C10orf88: variants seen among roughly 807,000 people sequenced by gnomAD.
The protein encoded by C10orf88 is chromosome 10 open reading frame 88.
A neutral mutation model predicts 34.2 loss-of-function variants in C10orf88; 29 were observed. That is an observed-to-expected ratio of 0.85 (90% CI 0.63 to 1.16). The LOEUF is 1.16. C10orf88 is among the 50% of genes most tolerant of loss of function. C10orf88 has a pLI of 0.00. For missense variants in C10orf88, 507 were observed against 533.2 expected, an observed-to-expected ratio of 0.95 and a Z score of 0.48; for synonymous variants, 194 against 197.4, an observed-to-expected ratio of 0.98 and a Z score of 0.15.
intron 4 of C10orf88, 31 bp from the exon 5 acceptor site, chr10:122,938,190 TTAA>T: frequency 6.7e-7 from 1 of 1,496,536 alleles, no homozygotes; most frequent in East Asian, 2.3e-5. Flanking sequence ...AATGTTAATA[TTAA>T]TAACACTGAC....
intron 5 of C10orf88, 121 bp from the exon 6 acceptor site, chr10:122,932,782 T>TA: frequency 1.5e-6 from 1 of 689,476 alleles, no homozygotes; most frequent in South Asian, 1.9e-5. Flanking sequence ...TCTGTCTTCT[T>TA]ACAATGCATT....
At chr10:122,944,654 GCA>G (rs1848621307) in intron 4 of C10orf88, among the ~76,000 whole-genome samples, 1 of 152,066 alleles carries the variant, frequency 6.6e-6, no homozygotes, top group South Asian at 2.1e-4. Context: ...CCAGGAATCT[GCA>G]TTTTGAAGAC....
chr10:122,933,069 TAGA>T (rs961380431), intron 5 of C10orf88, among the ~76,000 whole-genome samples: 2 of 152,180 alleles, frequency 1.3e-5, no homozygotes, highest in Non-Finnish European at 2.9e-5. Flanking sequence ...ACTAAACTAC[TAGA>T]AGGTTCTTTT....
Position 122,932,523 on chromosome 10 carries a change from C to T in C10orf88, c.1242G>A (p.Leu414=), listed in dbSNP as rs148055737. The part of the protein sequence containing the change: ...LQEHIDDKIA[L]LLDLLQNPNS... ...TAGGATTTTGCAGCAAATCCAGTAACAAAGCAATCTTATCATCAATGTGCT... is the reference window on the plus strand; with the variant it reads ...TAGGATTTTGCAGCAAATCCAGTAATAAAGCAATCTTATCATCAATGTGCT... The change falls in exon 6 of 6, where the codon TTG becomes TTA. Residue 414 remains leucine, a synonymous_variant. Transcript: ENST00000481909. 1.8e-4 allele frequency: 292 copies of T among 1,613,982 alleles called. No individual in the cohort carries two copies. Among genetic ancestry groups the T allele is most frequent in the Admixed American group, 2.7e-4 (16 of 59,998 alleles).
intron 4 of C10orf88, among the ~76,000 whole-genome samples, chr10:122,943,073 C>T (rs1414772857): frequency 1.3e-5 from 2 of 151,694 alleles, no homozygotes; most frequent in Non-Finnish European, 2.9e-5. Flanking sequence ...CAAGTCAATC[C>T]TAAGCCAAAA....
At chr10:122,948,883 G>T (rs12243832) in intron 3 of C10orf88, 28 bp from the exon 4 acceptor site, 136,195 of 1,575,568 alleles carry the variant, frequency 0.086, 6,552 homozygotes, top group Non-Finnish European at 0.096. Context: ...TTCCAGAAAA[G>T]AATGATATTA....
intron 3 of C10orf88, among the ~76,000 whole-genome samples, chr10:122,949,589 G>T (rs1848671486): frequency 6.6e-6 from 1 of 152,200 alleles, no homozygotes; most frequent in African/African-American, 2.4e-5. Flanking sequence ...CAGGATGGCA[G>T]GAGATTCGAT....
intron 3 of C10orf88, 150 bp downstream of exon 3, chr10:122,951,804 T>C: frequency 3.7e-6 from 2 of 539,420 alleles, no homozygotes; most frequent in Non-Finnish European, 6.7e-6. Flanking sequence ...CACTCCAGCC[T>C]GGGCAACAGA....
At position 122,945,412 on chromosome 10, in the gene C10orf88, A is replaced by T. The variant is rs74683960; in HGVS notation, c.648+3237T>A. Among the ~76,000 whole-genome samples, 43 of 152,294 alleles carry T rather than the reference A, an allele frequency of 2.8e-4. 2 individuals are homozygous for T. In the East Asian group the frequency reaches 8.3e-3, roughly 29 times the overall value. The stretch of plus-strand genomic sequence containing the variant: ...GTCTTAAAGTATATTCCTTCTGCTT[A>T]TATGTTTTAAAAGTTAACTGTAAAA... On this transcript the variant is annotated intron_variant, in intron 4 of 5. Transcript: ENST00000481909.
At chr10:122,939,320 G>A (rs56771560) in intron 4 of C10orf88, among the ~76,000 whole-genome samples, 1,758 of 150,244 alleles carry the variant, frequency 0.012, 32 homozygotes, top group African/African-American at 0.04. Context: ...AGAAAGTAAG[G>A]GAAAGAGAAA....
intron 4 of C10orf88, among the ~76,000 whole-genome samples, chr10:122,945,027 CGTGTATATAT>C (rs1261389807): frequency 2.7e-5 from 4 of 147,786 alleles, no homozygotes; most frequent in Admixed American, 6.8e-5. Flanking sequence ...TAGATATATG[CGTGTATATAT>C]GTGTATATAT....
chr10:122,934,447 G>A (rs1848515255), intron 5 of C10orf88, among the ~76,000 whole-genome samples: 1 of 152,050 alleles, frequency 6.6e-6, no homozygotes, highest in Non-Finnish European at 1.5e-5. Context: ...TACAGTATGT[G>A]ACCTTTTGAG....
At chr10:122,945,440 A>G (rs1428011125) in intron 4 of C10orf88, among the ~76,000 whole-genome samples, 1 of 152,156 alleles carries the variant, frequency 6.6e-6, no homozygotes, top group African/African-American at 2.4e-5. Context: ...CTGTAAAACC[A>G]CCTCAGGCAG....
At chr10:122,943,667 C>G (rs1281198122) in intron 4 of C10orf88, among the ~76,000 whole-genome samples, 1 of 152,044 alleles carries the variant, frequency 6.6e-6, no homozygotes, top group African/African-American at 2.4e-5. Context: ...TGAACTCAAA[C>G]AAATTTACAA....
Position 122,932,593 on chromosome 10 carries a change from T to C in C10orf88, c.1172A>G (p.Lys391Arg). 6.2e-7 allele frequency: 1 copy of C among 1,613,858 alleles called. No individual in the cohort carries two copies. Among genetic ancestry groups the C allele is most frequent in the Non-Finnish European group, 8.5e-7 (1 of 1,179,916 alleles). ...ILSKNMELME[K>R]KLMDYIDQRI... The stretch of plus-strand genomic sequence containing the variant: ...CTGATCAATGTAATCCATAAGTTTC[T>C]TTTCCATCAGTTCCATATTTTTAGA... Residue 391 changes from lysine (K) to arginine (R), a missense_variant, in exon 6 of 6, where the codon AAG becomes AGG. Coordinates refer to ENST00000481909, the MANE Select transcript of C10orf88 (RefSeq NM_024942.4).
At chr10:122,933,830 T>C (rs1050667611) in intron 5 of C10orf88, among the ~76,000 whole-genome samples, 8 of 152,348 alleles carry the variant, frequency 5.3e-5, no homozygotes, top group African/African-American at 1.9e-4. Context: ...AAAGCTATTA[T>C]GTATAGATTC....
At chr10:122,953,141 C>A in intron 1 of C10orf88, 109 bp from the exon 2 acceptor site, 1 of 850,096 alleles carries the variant, frequency 1.2e-6, no homozygotes, top group Non-Finnish European at 1.9e-6. Context: ...GCAGTGGCTC[C>A]ATCTCGGCTC....
At chr10:122,939,804 C>A (rs1848567138) in intron 4 of C10orf88, among the ~76,000 whole-genome samples, 1 of 151,702 alleles carries the variant, frequency 6.6e-6, no homozygotes, top group African/African-American at 2.4e-5. Context: ...CAGTCAATGT[C>A]AAAAGTATGG....
chr10:122,937,083 CAT>C (rs1449687622), intron 5 of C10orf88, among the ~76,000 whole-genome samples: 1 of 151,950 alleles, frequency 6.6e-6, no homozygotes, highest in African/African-American at 2.4e-5. Flanking sequence ...AGTGTGGCAA[CAT>C]GTTTAAGCCA....
Sources: gnomAD v4.1 joint callset for allele counts (sites outside exome capture counted in the v4.1 genomes callset) on GRCh38, gnomAD v4.1.1 for gene constraint, MANE v1.5 for transcripts, NCBI Gene and HGNC (gene_info 2026-07-23, HGNC 2026-07-21) for gene names.